Variants in ROBO1 observed in about 807,000 individuals in gnomAD.
The protein encoded by ROBO1 is roundabout guidance receptor 1.
Under a neutral mutation model 195.9 loss-of-function variants are expected in ROBO1, and 149 were observed. The observed-to-expected ratio is 0.76, with a 90% CI of 0.67 to 0.87. The LOEUF (loss-of-function observed/expected upper bound fraction) is 0.87. Among genes scored for constraint, ROBO1 ranks in the 40% least tolerant of loss-of-function variants. The probability of loss-of-function intolerance (pLI) is 0.00; values close to 1 mark genes in which losing one functional copy is unlikely to be tolerated. For synonymous variants in ROBO1, 816 were observed against 733.2 expected (o/e 1.11, Z -1.82); for missense variants, 1,933 against 2,068.3 (o/e 0.93, Z 1.27).
chr3:79,256,760 G>A (rs1007744981), intron 2 of ROBO1, among the ~76,000 whole-genome samples: 2 of 152,030 alleles, frequency 1.3e-5, no homozygotes, highest in Non-Finnish European at 2.9e-5. Context: ...TGAAGGTAAG[G>A]TAGAGATATC....
At chr3:79,182,067 A>G (rs2081351363) in intron 2 of ROBO1, among the ~76,000 whole-genome samples, 1 of 151,978 alleles carries the variant, frequency 6.6e-6, no homozygotes, top group East Asian at 1.9e-4. Context: ...GCTAGGATAT[A>G]TTAATTTTTT....
intron 2 of ROBO1, among the ~76,000 whole-genome samples, chr3:79,405,230 A>G (rs984560309): frequency 2.0e-5 from 3 of 152,156 alleles, no homozygotes; most frequent in Non-Finnish European, 2.9e-5. Flanking sequence ...TTGAAGTGTA[A>G]TGATATGGAG....
chr3:79,052,095 C>G (rs1201896505), intron 3 of ROBO1, among the ~76,000 whole-genome samples: 1 of 152,064 alleles, frequency 6.6e-6, no homozygotes, highest in Non-Finnish European at 1.5e-5. Flanking sequence ...TGGGGCCGGG[C>G]AGAACAGTGT....
chr3:78,881,301 C>T (rs75362356), intron 4 of ROBO1, among the ~76,000 whole-genome samples: 4,268 of 152,250 alleles, frequency 0.028, 87 homozygotes, highest in Non-Finnish European at 0.043. Flanking sequence ...TACGGAGCCC[C>T]TCTTAAGTCC....
chr3:78,606,816 T>C lies in ROBO1; in HGVS notation c.4661A>G (p.Gln1554Arg), dbSNP rs768335666. The C allele has an allele frequency of 1.3e-5, 21 of 1,613,870 alleles. No homozygotes were observed. Among genetic ancestry groups the C allele is most frequent in the Middle Eastern group, 1.6e-4 (1 of 6,084 alleles). Reference sequence around the variant, plus strand: ...TCCTTTCCCGTCATTTTGCTGTTCCTGTGCTTCTCTGGGATCACCTGGATT... The same window carrying C: ...TCCTTTCCCGTCATTTTGCTGTTCCCGTGCTTCTCTGGGATCACCTGGATT... ...RTNPGDPREAQEQQNDGKGRG... is the reference protein window; with the variant it reads ...RTNPGDPREAREQQNDGKGRG... The change falls in exon 29 of 31, where the codon CAG becomes CGG. Residue 1554 changes from glutamine to arginine, a missense_variant. Coordinates refer to ENST00000464233, the MANE Select transcript of ROBO1 (RefSeq NM_002941.4).
chr3:79,341,362 A>G (rs1388753265), intron 2 of ROBO1, among the ~76,000 whole-genome samples: 2 of 152,220 alleles, frequency 1.3e-5, no homozygotes, highest in African/African-American at 2.4e-5. Context: ...AGAAGATTCA[A>G]CTTTCAATTG....
At chr3:78,673,528 AATATATAT>A (rs1239511613) in intron 10 of ROBO1, among the ~76,000 whole-genome samples, 1 of 125,242 alleles carries the variant, frequency 8.0e-6, no homozygotes, top group Non-Finnish European at 1.7e-5. Context: ...AATATATATA[AATATATAT>A]ATATTACAGC....
At chr3:78,634,111 T>TTC (rs1705344338) in intron 23 of ROBO1, 69 bp from the exon 24 acceptor site, 2 of 997,688 alleles carry the variant, frequency 2.0e-6, no homozygotes, top group Admixed American at 2.3e-5. Flanking sequence ...CATCTCTGCT[T>TTC]TCTCTATATT....
chr3:79,179,442 T>C (rs1576779410), intron 2 of ROBO1, among the ~76,000 whole-genome samples: 2 of 152,226 alleles, frequency 1.3e-5, no homozygotes, highest in East Asian at 3.8e-4. Flanking sequence ...CCGGTAAGGA[T>C]GAAGTTAGAA....
At chr3:79,616,988 C>A (rs7434019) in intron 1 of ROBO1, among the ~76,000 whole-genome samples, 86,808 of 152,018 alleles carry the variant, frequency 0.57, 26,241 homozygotes, top group East Asian at 0.89. Context: ...GCAGTTCAAG[C>A]ATTTTCCATG....
chr3:79,532,632 T>TA (rs11457488), intron 2 of ROBO1, among the ~76,000 whole-genome samples: 86,849 of 151,874 alleles, frequency 0.57, 24,966 homozygotes, highest in Non-Finnish European at 0.6. Context: ...CACATATTAT[T>TA]AAAAAAATCA....
intron 29 of ROBO1, among the ~76,000 whole-genome samples, chr3:78,601,408 T>C (rs1190268889): frequency 1.3e-5 from 2 of 152,172 alleles, no homozygotes; most frequent in East Asian, 1.9e-4. Context: ...TCCATTCTAC[T>C]CATCACAACT....
chr3:79,709,800 A>G (rs1702202592), intron 1 of ROBO1, among the ~76,000 whole-genome samples: 1 of 152,156 alleles, frequency 6.6e-6, no homozygotes, highest in African/African-American at 2.4e-5. Context: ...TTACCATTAA[A>G]ATAGTCTCAC....
intron 2 of ROBO1, among the ~76,000 whole-genome samples, chr3:79,213,827 T>C (rs2082007275): frequency 6.9e-6 from 1 of 144,658 alleles, no homozygotes; most frequent in Non-Finnish European, 1.5e-5. Context: ...TTTTTTTTTT[T>C]TTTTTTTTTT....
At chr3:79,113,101 A>G (rs1197526772) in intron 3 of ROBO1, among the ~76,000 whole-genome samples, 1 of 152,142 alleles carries the variant, frequency 6.6e-6, no homozygotes, top group Non-Finnish European at 1.5e-5. Context: ...AGGACCACAA[A>G]ATATCAAATT....
intron 1 of ROBO1, among the ~76,000 whole-genome samples, chr3:79,704,413 A>T (rs7356113): frequency 2.6e-5 from 4 of 151,866 alleles, no homozygotes; most frequent in Admixed American, 6.6e-5. Context: ...ACTTTTCTAG[A>T]ATATCATATG....
At chr3:79,615,825 C>T (rs924251330) in intron 1 of ROBO1, among the ~76,000 whole-genome samples, 6 of 152,146 alleles carry the variant, frequency 3.9e-5, no homozygotes, top group African/African-American at 1.4e-4. Flanking sequence ...AAATGAATCT[C>T]TATGCTTACA....
chr3:79,075,727 T>C (rs2079161418), intron 3 of ROBO1, among the ~76,000 whole-genome samples: 1 of 151,958 alleles, frequency 6.6e-6, no homozygotes, highest in African/African-American at 2.4e-5. Context: ...TGAGGTTATC[T>C]AGAAATACAT....
chr3:78,953,081 T>C (rs1457218596), intron 3 of ROBO1, among the ~76,000 whole-genome samples: 1 of 152,010 alleles, frequency 6.6e-6, no homozygotes, highest in Non-Finnish European at 1.5e-5. Context: ...ATAAGTTACA[T>C]TTTAGAAAGA....
Sources: gnomAD v4.1 joint callset for allele counts (sites outside exome capture counted in the v4.1 genomes callset) on GRCh38, gnomAD v4.1.1 for gene constraint, MANE v1.5 for transcripts, NCBI Gene and HGNC (gene_info 2026-07-23, HGNC 2026-07-21) for gene names.